SEMA6D: variants seen among roughly 807,000 people sequenced by gnomAD.
SEMA6D encodes semaphorin-6D.
A neutral mutation model predicts 106.6 loss-of-function variants in SEMA6D; 35 were observed. The ratio of observed to expected loss-of-function variants is 0.33; its 90% CI spans 0.25 to 0.44. SEMA6D has a LOEUF of 0.44. Among genes scored for constraint, SEMA6D ranks in the 20% least tolerant of loss-of-function variants. SEMA6D has a pLI of 1.00. For synonymous variants in SEMA6D, 499 were observed against 487.7 expected, an observed-to-expected ratio of 1.02 and a Z score of -0.31; for missense variants, 1,185 against 1,345.9, an observed-to-expected ratio of 0.88 and a Z score of 1.87.
At chr15:47,732,549 C>T (rs569681883) in intron 1 of SEMA6D, among the ~76,000 whole-genome samples, 6 of 152,228 alleles carry the variant, frequency 3.9e-5, no homozygotes, top group Middle Eastern at 6.8e-3. Flanking sequence ...TCAGTTGACC[C>T]AAATGGGAGA....
intron 1 of SEMA6D, among the ~76,000 whole-genome samples, chr15:47,340,083 G>C (rs2037749568): frequency 6.6e-6 from 1 of 152,144 alleles, no homozygotes; most frequent in Non-Finnish European, 1.5e-5. Flanking sequence ...AACATTCTAA[G>C]CAGAGGGGAC....
chr15:47,296,550 G>A (rs1342960075), intron 1 of SEMA6D, among the ~76,000 whole-genome samples: 3 of 152,030 alleles, frequency 2.0e-5, no homozygotes, highest in African/African-American at 7.2e-5. Context: ...AAAGCAAGGG[G>A]GAATGTTAAC....
chr15:47,329,145 T>C (rs918017697), intron 1 of SEMA6D, among the ~76,000 whole-genome samples: 7 of 152,324 alleles, frequency 4.6e-5, no homozygotes, highest in East Asian at 1.9e-4. Flanking sequence ...TCTGTACTTA[T>C]GGAGCTTGCC....
At position 47,764,368 on chromosome 15, in the gene SEMA6D, C is replaced by T. The variant is rs1386983852; in HGVS notation, c.1097+63C>T. 1.2e-5 allele frequency: 18 copies of T among 1,561,646 alleles called. No homozygotes were observed. The South Asian group carries it at 2.1e-4, about 18-fold the overall frequency. On this transcript the variant is annotated intron_variant, in intron 11 of 18. Coordinates refer to ENST00000536845, the MANE Select transcript of SEMA6D (RefSeq NM_001358351.3). ...AAACCTTCCGGTCATTGGAAGCATC[C>T]CTCCTCAGGGAGCAGCTTGGCCAAC...
At chr15:47,657,907 A>T (rs181582529) in intron 4 of SEMA6D, among the ~76,000 whole-genome samples, 3,135 of 150,742 alleles carry the variant, frequency 0.021, 123 homozygotes, top group African/African-American at 0.073. Flanking sequence ...CGCCCGGCTA[A>T]TTTTTTGTAT....
At chr15:47,742,431 T>A (rs2080875350) in intron 1 of SEMA6D, among the ~76,000 whole-genome samples, 1 of 152,128 alleles carries the variant, frequency 6.6e-6, no homozygotes. Context: ...TCCTTCACAC[T>A]GGCCTCCGTT....
intron 4 of SEMA6D, among the ~76,000 whole-genome samples, chr15:47,708,265 G>C (rs1295465572): frequency 3.9e-5 from 6 of 152,146 alleles, no homozygotes; most frequent in Admixed American, 3.3e-4. Context: ...ATCTCATCCT[G>C]TCTCTTCCGT....
At chr15:47,216,551 T>A (rs2030627251) in intron 1 of SEMA6D, among the ~76,000 whole-genome samples, 1 of 152,124 alleles carries the variant, frequency 6.6e-6, no homozygotes, top group African/African-American at 2.4e-5. Flanking sequence ...GAAATTGAAG[T>A]CAAAGAAATT....
intron 1 of SEMA6D, among the ~76,000 whole-genome samples, chr15:47,263,813 T>C (rs1236001795): frequency 6.6e-6 from 1 of 151,758 alleles, no homozygotes; most frequent in Non-Finnish European, 1.5e-5. Context: ...TTGTCATTGA[T>C]GGGCATTAAG....
At chr15:47,375,210 A>G (rs1417455261) in intron 1 of SEMA6D, among the ~76,000 whole-genome samples, 1 of 152,202 alleles carries the variant, frequency 6.6e-6, no homozygotes, top group Admixed American at 6.5e-5. Flanking sequence ...AAGATCAGTC[A>G]AGTTGAAACT....
At chr15:47,412,222 A>G (rs1332152915) in intron 1 of SEMA6D, among the ~76,000 whole-genome samples, 7 of 152,152 alleles carry the variant, frequency 4.6e-5, no homozygotes, top group Admixed American at 4.6e-4. Context: ...AGAGAGGAAA[A>G]AAAAAGAAAA....
intron 4 of SEMA6D, among the ~76,000 whole-genome samples, chr15:47,618,839 T>C (rs1215584874): frequency 6.6e-6 from 1 of 152,226 alleles, no homozygotes; most frequent in Non-Finnish European, 1.5e-5. Context: ...AGGGCTATAA[T>C]AGTAACTTCT....
At chr15:47,383,375 C>T (rs2039709159) in intron 1 of SEMA6D, among the ~76,000 whole-genome samples, 1 of 152,100 alleles carries the variant, frequency 6.6e-6, no homozygotes, top group Non-Finnish European at 1.5e-5. Flanking sequence ...GACGATAGTG[C>T]CTCCCATGAC....
intron 1 of SEMA6D, among the ~76,000 whole-genome samples, chr15:47,333,616 C>T (rs1595752675): frequency 6.6e-6 from 1 of 152,116 alleles, no homozygotes; most frequent in African/African-American, 2.4e-5. Flanking sequence ...ATCATTCACT[C>T]AGTCAGTCAG....
chr15:47,325,993 T>C (rs962925538), intron 1 of SEMA6D, among the ~76,000 whole-genome samples: 1 of 152,202 alleles, frequency 6.6e-6, no homozygotes, highest in African/African-American at 2.4e-5. Context: ...TTTGGATTTG[T>C]AGGAAATTTC....
intron 1 of SEMA6D, among the ~76,000 whole-genome samples, chr15:47,266,908 T>A (rs1188618611): frequency 6.6e-6 from 1 of 152,174 alleles, no homozygotes; most frequent in East Asian, 1.9e-4. Context: ...TTTTCTCATT[T>A]TCTCTATGCA....
At chr15:47,203,833 C>T (rs1894876426) in intron 1 of SEMA6D, among the ~76,000 whole-genome samples, 1 of 152,174 alleles carries the variant, frequency 6.6e-6, no homozygotes, top group Admixed American at 6.5e-5. Context: ...TGAAAATCCA[C>T]ACATTCCTAT....
chr15:47,221,465 C>G (rs1195490026), intron 1 of SEMA6D, among the ~76,000 whole-genome samples: 1 of 152,200 alleles, frequency 6.6e-6, no homozygotes, highest in Non-Finnish European at 1.5e-5. Flanking sequence ...TCATCAAAGT[C>G]TGTTCCTAGG....
chr15:47,284,232 G>T (rs1344101364), intron 1 of SEMA6D, among the ~76,000 whole-genome samples: 3 of 152,298 alleles, frequency 2.0e-5, no homozygotes, highest in Admixed American at 1.3e-4. Flanking sequence ...CAGAAGATGT[G>T]CTTGAACCTA....
Sources: allele counts gnomAD v4.1 joint callset (sites outside exome capture counted in the v4.1 genomes callset), GRCh38; gene constraint gnomAD v4.1.1; transcripts MANE v1.5; gene names NCBI Gene and HGNC (gene_info 2026-07-23, HGNC 2026-07-21).